Variants in SIPA1L2 observed in about 807,000 individuals in gnomAD.
SIPA1L2 encodes signal induced proliferation associated 1 like 2.
SIPA1L2 carries 56 observed loss-of-function variants against 163.9 expected under a neutral mutation model. The observed-to-expected ratio is 0.34, with a 90% CI of 0.28 to 0.43. The LOEUF (loss-of-function observed/expected upper bound fraction) is 0.43, where lower values mean the gene tolerates loss of function less well. Among genes scored for constraint, SIPA1L2 ranks in the 20% least tolerant of loss-of-function variants. SIPA1L2 has a pLI of 1.00. For synonymous variants in SIPA1L2, 877 were observed against 865.7 expected (o/e 1.01, Z -0.23); for missense variants, 1,974 against 2,193.5 (o/e 0.90, Z 2.00).
intron 3 of SIPA1L2, among the ~76,000 whole-genome samples, chr1:232,502,213 T>C (rs6691122): frequency 0.33 from 50,077 of 152,098 alleles, 9,143 homozygotes; most frequent in Non-Finnish European, 0.42. Context: ...ATCTAATCCA[T>C]ATAACACCAT....
chr1:232,571,514 T>C (rs1448854997), intron 2 of SIPA1L2, among the ~76,000 whole-genome samples: 1 of 152,234 alleles, frequency 6.6e-6, no homozygotes, highest in Non-Finnish European at 1.5e-5. Context: ...ATTTAAAAAC[T>C]GAAGAACTTT....
At chr1:232,598,232 TC>T (rs748846468) in intron 1 of SIPA1L2, among the ~76,000 whole-genome samples, 48,777 of 135,404 alleles carry the variant, frequency 0.36, 8,682 homozygotes, top group Non-Finnish European at 0.43. Context: ...TGAAACCCTG[TC>T]TGTTAAAAAA....
intron 2 of SIPA1L2, among the ~76,000 whole-genome samples, chr1:232,551,097 C>T (rs2103134154): frequency 6.6e-6 from 1 of 152,292 alleles, no homozygotes; most frequent in Non-Finnish European, 1.5e-5. Context: ...CCGTGCGTTT[C>T]TATGTCTGTT....
At chr1:232,494,415 G>A (rs1451364373) in intron 3 of SIPA1L2, among the ~76,000 whole-genome samples, 4 of 152,202 alleles carry the variant, frequency 2.6e-5, no homozygotes, top group Non-Finnish European at 2.9e-5. Flanking sequence ...TTTCCTAAGA[G>A]ATGGTCACAT....
chr1:232,525,565 T>C (rs2103070321), intron 2 of SIPA1L2, among the ~76,000 whole-genome samples: 1 of 152,184 alleles, frequency 6.6e-6, no homozygotes, highest in African/African-American at 2.4e-5. Context: ...CAATAATATT[T>C]TATACTCAAA....
At chr1:232,477,518 C>G (rs893872817) in intron 7 of SIPA1L2, among the ~76,000 whole-genome samples, 3 of 152,322 alleles carry the variant, frequency 2.0e-5, no homozygotes, top group East Asian at 1.9e-4. Context: ...GGGAACAAAA[C>G]AGATACAAAT....
chr1:232,465,488 A>G lies in SIPA1L2; in HGVS notation c.2244-72T>C, dbSNP rs138841495. On this transcript the variant is annotated intron_variant, in intron 8 of 22. Transcript: ENST00000674635. The surrounding 1 kb of genome is among the most constrained non-coding windows in gnomAD (Gnocchi z 4.1). ...TAATATGTATCTTTCCGAATTTGAC[A>G]TATATATACACACACACACACATAT... is the stretch of plus-strand genomic sequence containing the variant. 2,228 of 1,116,070 alleles carry G rather than the reference A, an allele frequency of 2.0e-3. 36 individuals are homozygous for G. The African/African-American group carries it at 0.031, about 15-fold the overall frequency. 69.1% of individuals were successfully genotyped at this position (1,116,070 alleles called of 1,614,324 possible). A position where few individuals can be genotyped will look rare whatever the true frequency, so the allele number is the denominator to read the frequency against.
At chr1:232,496,640 T>TCA (rs1380097360) in intron 3 of SIPA1L2, among the ~76,000 whole-genome samples, 3 of 152,026 alleles carry the variant, frequency 2.0e-5, no homozygotes, top group African/African-American at 7.3e-5. Context: ...TAGTATACTG[T>TCA]CACTATATTA....
At chr1:232,488,388 T>C (rs1665756312) in intron 5 of SIPA1L2, among the ~76,000 whole-genome samples, 1 of 152,106 alleles carries the variant, frequency 6.6e-6, no homozygotes, top group African/African-American at 2.4e-5. Context: ...TGGAATAAAC[T>C]CTCCACCACC....
intron 2 of SIPA1L2, among the ~76,000 whole-genome samples, chr1:232,540,197 G>C (rs988219708): frequency 6.6e-6 from 1 of 152,028 alleles, no homozygotes; most frequent in Admixed American, 6.5e-5. Context: ...CCAGCTACTC[G>C]AGAGGCTGAG....
At chr1:232,441,665 A>C in intron 13 of SIPA1L2, 103 bp downstream of exon 13, 1 of 996,078 alleles carries the variant, frequency 1.0e-6, no homozygotes, top group Non-Finnish European at 1.5e-6. Flanking sequence ...TGGTGCACAT[A>C]GGTTGAATGA....
intron 2 of SIPA1L2, among the ~76,000 whole-genome samples, chr1:232,558,393 A>T (rs1235595038): frequency 6.6e-6 from 1 of 152,070 alleles, no homozygotes; most frequent in Non-Finnish European, 1.5e-5. Context: ...CCTGGTTCTG[A>T]TGGTAAATGT....
intron 1 of SIPA1L2, among the ~76,000 whole-genome samples, chr1:232,616,024 T>G (rs1662482544): frequency 6.6e-6 from 1 of 152,208 alleles, no homozygotes; most frequent in Non-Finnish European, 1.5e-5. Flanking sequence ...CTGAATTTTT[T>G]GCACTTACAG....
intron 1 of SIPA1L2, among the ~76,000 whole-genome samples, chr1:232,606,058 A>C (rs1661904928): frequency 6.6e-6 from 1 of 152,266 alleles, no homozygotes; most frequent in Non-Finnish European, 1.5e-5. Flanking sequence ...CATCTTTTGT[A>C]ACAGCAAGAG....
intron 1 of SIPA1L2, among the ~76,000 whole-genome samples, chr1:232,597,821 T>C (rs989116656): frequency 1.6e-4 from 24 of 151,432 alleles, no homozygotes; most frequent in African/African-American, 4.6e-4. Flanking sequence ...ACCTGAGCAA[T>C]TTCAGAGGTG....
At chr1:232,624,609 T>C (rs1662982786) in intron 1 of SIPA1L2, among the ~76,000 whole-genome samples, 1 of 152,222 alleles carries the variant, frequency 6.6e-6, no homozygotes, top group South Asian at 2.1e-4. Context: ...ATATTTTTAC[T>C]TAAGAGTTTG....
intron 1 of SIPA1L2, among the ~76,000 whole-genome samples, chr1:232,579,487 GAGA>G (rs763353141): frequency 1.3e-5 from 2 of 152,180 alleles, no homozygotes; most frequent in African/African-American, 4.8e-5. Context: ...TTTTCCAAAA[GAGA>G]AGAAGAACAG....
intron 3 of SIPA1L2, among the ~76,000 whole-genome samples, chr1:232,510,662 G>C (rs1434187493): frequency 6.6e-6 from 1 of 152,136 alleles, no homozygotes; most frequent in African/African-American, 2.4e-5. Context: ...TGACAGTTGA[G>C]AATTCAAGAG....
rs1207451899 is a variant in SIPA1L2 at position 232,511,099 on chromosome 1, A to G, written c.1483+2758T>C. 2.6e-5 allele frequency among the ~76,000 whole-genome samples: 4 copies of G among 152,280 alleles called. No individual in the cohort carries two copies. In the East Asian group the frequency reaches 7.7e-4, roughly 29 times the overall value. On this transcript the variant is annotated intron_variant, in intron 3 of 22. Transcript: ENST00000674635. ...TTCCAAAAATAACTAACTTCCACCTAGAGAGCATCCTTGAGCAGTGTGATA... is the reference window on the plus strand; with the variant it reads ...TTCCAAAAATAACTAACTTCCACCTGGAGAGCATCCTTGAGCAGTGTGATA...
Sources: allele counts gnomAD v4.1 joint callset (sites outside exome capture counted in the v4.1 genomes callset), GRCh38; gene constraint gnomAD v4.1.1; non-coding constraint Gnocchi (gnomAD v3.1); transcripts MANE v1.5; gene names NCBI Gene and HGNC (gene_info 2026-07-23, HGNC 2026-07-21).